Variants in KLHL29 observed in about 807,000 individuals in gnomAD.
The protein encoded by KLHL29 is kelch-like protein 29.
KLHL29 carries 21 observed loss-of-function variants against 80.4 expected under a neutral mutation model. The observed-to-expected ratio is 0.26, with a 90% confidence interval of 0.19 to 0.38. The LOEUF (loss-of-function observed/expected upper bound fraction) is 0.38. KLHL29 is among the 10% of genes least tolerant of loss of function. The pLI is 1.00. For missense variants in KLHL29, 867 were observed against 1,223.9 expected (o/e 0.71, Z 4.35); for synonymous variants, 511 against 526.8 (o/e 0.97, Z 0.41).
Position 23,412,652 on chromosome 2 carries a change from A to G in KLHL29, c.-154+26872A>G, listed in dbSNP as rs574102968. Reference sequence around the variant, plus strand: ...AGAGGGAGTGGAGATTACTGTGGACAAGAAGCATCTTGGAAGGTCTTTCAA... The same window carrying G: ...AGAGGGAGTGGAGATTACTGTGGACGAGAAGCATCTTGGAAGGTCTTTCAA... On this transcript the variant is annotated intron_variant, in intron 1 of 13. Transcript: ENST00000486442. 3.9e-5 allele frequency among the ~76,000 whole-genome samples: 6 copies of G among 152,310 alleles called. No individual in the cohort carries two copies. The South Asian group carries it at 8.3e-4, about 21-fold the overall frequency.
At chr2:23,530,778 C>T (rs923834284) in intron 2 of KLHL29, among the ~76,000 whole-genome samples, 3 of 152,120 alleles carry the variant, frequency 2.0e-5, no homozygotes, top group African/African-American at 7.2e-5. Flanking sequence ...CCAGCTCCCA[C>T]ATCCCTCCTG....
intron 3 of KLHL29, among the ~76,000 whole-genome samples, chr2:23,612,151 G>A (rs997970045): frequency 6.6e-6 from 1 of 152,172 alleles, no homozygotes; most frequent in Admixed American, 6.6e-5. Context: ...CACTTTACAA[G>A]CAGGATAAAT....
chr2:23,474,676 C>T (rs1365447229), intron 1 of KLHL29, among the ~76,000 whole-genome samples: 2 of 152,058 alleles, frequency 1.3e-5, no homozygotes, highest in Non-Finnish European at 2.9e-5. Context: ...AGACTCGTTG[C>T]GTTGTCAGAG....
chr2:23,468,218 G>A (rs1436948909), intron 1 of KLHL29, among the ~76,000 whole-genome samples: 1 of 152,112 alleles, frequency 6.6e-6, no homozygotes, highest in African/African-American at 2.4e-5. Context: ...TCAAACGGCA[G>A]AGCTGAGATT....
intron 2 of KLHL29, among the ~76,000 whole-genome samples, chr2:23,556,802 A>G (rs184355758): frequency 8.7e-4 from 133 of 152,344 alleles, no homozygotes; most frequent in Non-Finnish European, 1.7e-3. Context: ...TTCACCCACG[A>G]CTAGCACCAA....
At chr2:23,603,890 C>T (rs778170799) in intron 3 of KLHL29, among the ~76,000 whole-genome samples, 24 of 152,226 alleles carry the variant, frequency 1.6e-4, no homozygotes, top group Non-Finnish European at 2.2e-4. Context: ...GGCCACCCAA[C>T]ATTGTCCCCG....
At chr2:23,454,871 G>C (rs534054964) in intron 1 of KLHL29, among the ~76,000 whole-genome samples, 1 of 151,946 alleles carries the variant, frequency 6.6e-6, no homozygotes, top group Non-Finnish European at 1.5e-5. Flanking sequence ...GCCAAGTGTA[G>C]AATGCAGATT....
intron 1 of KLHL29, among the ~76,000 whole-genome samples, chr2:23,403,145 G>A (rs934017440): frequency 1.3e-5 from 2 of 151,910 alleles, no homozygotes; most frequent in Non-Finnish European, 1.5e-5. Context: ...AATAATAAGC[G>A]TATTTTTCAT....
At chr2:23,677,227 A>C (rs1170893143) in intron 5 of KLHL29, among the ~76,000 whole-genome samples, 1 of 152,224 alleles carries the variant, frequency 6.6e-6, no homozygotes, top group Non-Finnish European at 1.5e-5. Context: ...GGCTGTAGGC[A>C]CGGAGGGGAC....
chr2:23,564,383 G>T lies in KLHL29; in HGVS notation c.285+1902G>T, dbSNP rs79668064. Among the ~76,000 whole-genome samples the T allele has an allele frequency of 1.6e-3, 243 of 152,346 alleles. 4 individuals are homozygous for T. In the East Asian group the frequency reaches 0.022, roughly 14 times the overall value. ...CAAGGACTGGGCAGGGTGGCCAGGA[G>T]GGGGAGAGGGGGCGAAAGTTCATTC... On this transcript the variant is annotated intron_variant, in intron 3 of 13. Transcript: ENST00000486442.
intron 1 of KLHL29, among the ~76,000 whole-genome samples, chr2:23,449,217 A>C (rs1221003820): frequency 6.6e-6 from 1 of 152,112 alleles, no homozygotes; most frequent in Non-Finnish European, 1.5e-5. Context: ...TCACAGCTCT[A>C]GTCCATGTGT....
chr2:23,524,658 G>A (rs371741996), intron 2 of KLHL29, among the ~76,000 whole-genome samples: 5 of 152,220 alleles, frequency 3.3e-5, no homozygotes, highest in South Asian at 2.1e-4. Flanking sequence ...CCTCTGATTC[G>A]ATCTGTTCCG....
At chr2:23,579,758 C>A (rs765567507) in intron 3 of KLHL29, among the ~76,000 whole-genome samples, 76 of 152,270 alleles carry the variant, frequency 5.0e-4, no homozygotes, top group Non-Finnish European at 9.1e-4. Context: ...TGGCTTAAGA[C>A]CCTTGGCGAT....
intron 2 of KLHL29, among the ~76,000 whole-genome samples, chr2:23,542,122 T>C (rs1237969823): frequency 6.6e-6 from 1 of 152,184 alleles, no homozygotes; most frequent in East Asian, 1.9e-4. Context: ...CAGTGTTTTG[T>C]TTTCTTTTAA....
intron 6 of KLHL29, among the ~76,000 whole-genome samples, chr2:23,687,719 C>T (rs538276450): frequency 2.6e-5 from 4 of 152,202 alleles, no homozygotes; most frequent in East Asian, 1.9e-4. Context: ...GGGCATTGTC[C>T]GGGCAGACAA....
chr2:23,611,890 A>G (rs1024868233), intron 3 of KLHL29, among the ~76,000 whole-genome samples: 1 of 152,070 alleles, frequency 6.6e-6, no homozygotes, highest in African/African-American at 2.4e-5. Context: ...CAACCAAAAA[A>G]AAAAAAGGAT....
At chr2:23,603,429 G>C (rs557193057) in intron 3 of KLHL29, among the ~76,000 whole-genome samples, 2 of 152,288 alleles carry the variant, frequency 1.3e-5, no homozygotes, top group South Asian at 4.1e-4. Flanking sequence ...GGGGACCTCT[G>C]CTGGGCCCTG....
chr2:23,440,014 A>G (rs1349505443), intron 1 of KLHL29, among the ~76,000 whole-genome samples: 1 of 150,838 alleles, frequency 6.6e-6, no homozygotes, highest in Non-Finnish European at 1.5e-5. Context: ...GTGCATATAT[A>G]TTTAGGAGAG....
chr2:23,624,471 A>G (rs667412), intron 3 of KLHL29, among the ~76,000 whole-genome samples: 39,197 of 152,136 alleles, frequency 0.26, 5,228 homozygotes, highest in Middle Eastern at 0.42. Context: ...CCAAAGAAAG[A>G]TGCCCTGCGA....
Sources: allele counts gnomAD v4.1 joint callset (sites outside exome capture counted in the v4.1 genomes callset), GRCh38; gene constraint gnomAD v4.1.1; transcripts MANE v1.5; gene names NCBI Gene and HGNC (gene_info 2026-07-23, HGNC 2026-07-21).